The following SNAP29 variants were observed in gnomAD, a reference collection of about 807,000 sequenced individuals.
SNAP29 encodes the protein synaptosomal-associated protein 29.
Under a neutral mutation model 27.9 loss-of-function variants are expected in SNAP29, and 13 were observed. The observed-to-expected ratio is 0.47, with a 90% CI of 0.30 to 0.74. SNAP29 has a LOEUF of 0.74. Ranked by LOEUF, SNAP29 falls within the 30% of genes least tolerant of loss-of-function variation. The pLI is 0.06. For synonymous variants in SNAP29, 119 were observed against 127.1 expected, an observed-to-expected ratio of 0.94 and a Z score of 0.43; for missense variants, 368 against 336.5, an observed-to-expected ratio of 1.09 and a Z score of -0.73.
rs539016697 is a variant in SNAP29 at position 20,887,654 on chromosome 22, T to C, written c.620-25T>C. 2.5e-6 allele frequency: 4 copies of C among 1,614,048 alleles called. No individual in the cohort carries two copies. In the African/African-American group the frequency reaches 5.3e-5, roughly 22 times the overall value. On this transcript the variant is annotated intron_variant, in intron 4 of 4. Transcript: ENST00000215730. ...GGTGCCGTGACTGTTTGCTCATGCCTGCGTGTCATTTCCTCCTCCTGCAGA... is the reference window on the plus strand; with the variant it reads ...GGTGCCGTGACTGTTTGCTCATGCCCGCGTGTCATTTCCTCCTCCTGCAGA...
In SNAP29 at chr22:20,859,122, C is replaced by A. The variant is rs1227872519; in HGVS notation, c.12C>A (p.Tyr4Ter). The change falls in exon 1 of 5, where the codon TAC becomes TAA. Residue 4 changes from tyrosine (Y) to a stop codon, truncating the protein, a stop_gained. Transcript: ENST00000215730. LOFTEE classifies it high-confidence loss of function. ...GCCGCGCCGGCACCATGTCAGCTTA[C>A]CCTAAAAGCTACAATCCGTTCGACG... is the stretch of plus-strand genomic sequence containing the variant. MSA[Y>*]PKSYNPFDDD... is the part of the protein sequence containing the mutation. 1 of 1,607,106 alleles carries A rather than the reference C, an allele frequency of 6.2e-7. No homozygotes were observed. Among genetic ancestry groups the A allele is most frequent in the South Asian group, 1.1e-5 (1 of 89,938 alleles).
chr22:20,887,101 T>C (rs1249168272), intron 4 of SNAP29, among the ~76,000 whole-genome samples: 1 of 151,830 alleles, frequency 6.6e-6, no homozygotes, highest in Non-Finnish European at 1.5e-5. Flanking sequence ...GGCGTGTGCC[T>C]GTAGTCCCAG....
chr22:20,886,280 G>T (rs1929013706), intron 4 of SNAP29, among the ~76,000 whole-genome samples: 1 of 145,108 alleles, frequency 6.9e-6, no homozygotes, highest in Non-Finnish European at 1.5e-5. Flanking sequence ...GAGCCACTGT[G>T]CCTGACTTGA....
intron 4 of SNAP29, among the ~76,000 whole-genome samples, chr22:20,886,707 G>T (rs1011394206): frequency 6.6e-6 from 1 of 151,798 alleles, no homozygotes; most frequent in African/African-American, 2.4e-5. Context: ...CTCCTCTCAG[G>T]TTCAAGTGAT....
At chr22:20,879,078 T>C (rs901520498) in intron 2 of SNAP29, among the ~76,000 whole-genome samples, 4 of 151,920 alleles carry the variant, frequency 2.6e-5, no homozygotes, top group East Asian at 2.0e-4. Flanking sequence ...GAGGCCAAGG[T>C]GGGCGGATCA....
At chr22:20,865,561 A>T (rs1015466795) in intron 1 of SNAP29, among the ~76,000 whole-genome samples, 4 of 152,190 alleles carry the variant, frequency 2.6e-5, no homozygotes, top group South Asian at 4.1e-4. Flanking sequence ...GCCATCTGCT[A>T]TACAGCTTTC....
intron 4 of SNAP29, among the ~76,000 whole-genome samples, chr22:20,885,243 A>C (rs975743884): frequency 2.0e-5 from 3 of 152,136 alleles, no homozygotes; most frequent in Non-Finnish European, 2.9e-5. Context: ...TCACCCTGTC[A>C]GTCTCCCACC....
At chr22:20,867,282 A>C (rs944586454) in intron 1 of SNAP29, among the ~76,000 whole-genome samples, 1 of 151,956 alleles carries the variant, frequency 6.6e-6, no homozygotes, top group African/African-American at 2.4e-5. Flanking sequence ...AAGTCCGTTC[A>C]GGGACCTCAT....
At chr22:20,864,935 T>C (rs1768905329) in intron 1 of SNAP29, among the ~76,000 whole-genome samples, 1 of 152,194 alleles carries the variant, frequency 6.6e-6, no homozygotes, top group African/African-American at 2.4e-5. Flanking sequence ...TCCCAACACA[T>C]GTCAGGCTGT....
intron 2 of SNAP29, among the ~76,000 whole-genome samples, chr22:20,874,148 G>A (rs964923526): frequency 3.0e-4 from 44 of 148,628 alleles, no homozygotes; most frequent in African/African-American, 9.8e-4. Context: ...GGTGGCGGGC[G>A]CCTGTGGTCC....
At chr22:20,863,518 C>G (rs369039865) in intron 1 of SNAP29, among the ~76,000 whole-genome samples, 1 of 152,190 alleles carries the variant, frequency 6.6e-6, no homozygotes, top group Non-Finnish European at 1.5e-5. Context: ...CACAAAGGCT[C>G]AGGCCACAGG....
intron 1 of SNAP29, chr22:20,859,590 T>A: frequency 1.8e-6 from 1 of 559,984 alleles, no homozygotes; most frequent in South Asian, 2.3e-5. Flanking sequence ...CGTTGATTTT[T>A]TTTTTCTTAC....
intron 2 of SNAP29, chr22:20,870,993 G>A: frequency 6.8e-6 from 2 of 292,328 alleles, no homozygotes; most frequent in South Asian, 3.3e-5. Context: ...CCCAGGCATT[G>A]TGGTGCACAC....
intron 1 of SNAP29, among the ~76,000 whole-genome samples, chr22:20,866,653 TG>T (rs1928466731): frequency 6.6e-6 from 1 of 152,192 alleles, no homozygotes; most frequent in African/African-American, 2.4e-5. Context: ...GGGTGTTCCC[TG>T]CCGAGTCCTG....
Position 20,887,996 on chromosome 22 carries a change from T to A in SNAP29, c.*160T>A. 1 of 731,132 alleles carries A rather than the reference T, an allele frequency of 1.4e-6. No homozygotes were observed. The highest frequency in any genetic ancestry group is 2.3e-6 in the Non-Finnish European group (1 of 439,110). 45.3% of individuals were successfully genotyped at this position (731,132 alleles called of 1,614,324 possible). A position where few individuals can be genotyped will look rare whatever the true frequency, so the allele number is the denominator to read the frequency against. On this transcript the variant is annotated 3_prime_UTR_variant, in exon 5 of 5. Coordinates refer to ENST00000215730, the MANE Select transcript of SNAP29 (RefSeq NM_004782.4). ...AGACATTTTTGCTGTTATAAGGAAG[T>A]GTTTGTCCCACATTTTCCTAGGGTT...
chr22:20,871,212 GGGCTCAGT>G, intron 2 of SNAP29, among the ~76,000 whole-genome samples: 1 of 151,694 alleles, frequency 6.6e-6, no homozygotes, highest in Non-Finnish European at 1.5e-5. Context: ...TTATAAGGCT[GGGCTCAGT>G]GGCTTATCTG....
chr22:20,887,374 C>A (rs371979354), intron 4 of SNAP29, among the ~76,000 whole-genome samples: 17 of 152,262 alleles, frequency 1.1e-4, no homozygotes, highest in African/African-American at 4.1e-4. Flanking sequence ...TCTCTCCTCT[C>A]TGGCTCTTTC....
At chr22:20,883,407 G>T in intron 3 of SNAP29, 64 bp from the exon 4 acceptor site, 1 of 1,060,734 alleles carries the variant, frequency 9.4e-7, no homozygotes. Context: ...TGTTTTGGGT[G>T]TGTGAAGCAG....
intron 1 of SNAP29, among the ~76,000 whole-genome samples, chr22:20,861,526 C>T (rs1386196542): frequency 6.6e-6 from 1 of 151,584 alleles, no homozygotes; most frequent in African/African-American, 2.4e-5. Flanking sequence ...CAACCTCCAC[C>T]TCCCCAGTTC....
Sources: gnomAD v4.1 joint callset for allele counts (sites outside exome capture counted in the v4.1 genomes callset) on GRCh38, gnomAD v4.1.1 for gene constraint, MANE v1.5 for transcripts, NCBI Gene and HGNC (gene_info 2026-07-23, HGNC 2026-07-21) for gene names.